PLPPR5: variants seen among roughly 807,000 people sequenced by gnomAD.
The protein encoded by PLPPR5 is phospholipid phosphatase-related protein type 5.
PLPPR5 carries 16 observed loss-of-function variants against 33.9 expected under a neutral mutation model. The observed-to-expected ratio is 0.47, with a 90% CI of 0.32 to 0.72. The LOEUF is 0.72. Ranked by LOEUF, PLPPR5 falls within the 30% of genes least tolerant of loss-of-function variation. The pLI, the probability that PLPPR5 is intolerant of heterozygous loss-of-function variation, is 0.03. For missense variants in PLPPR5, 301 were observed against 406.7 expected, an observed-to-expected ratio of 0.74 and a Z score of 2.23; for synonymous variants, 163 against 150.3, an observed-to-expected ratio of 1.08 and a Z score of -0.62.
At chr1:98,955,425 CT>C (rs984535406) in intron 2 of PLPPR5, among the ~76,000 whole-genome samples, 3 of 151,916 alleles carry the variant, frequency 2.0e-5, no homozygotes, top group African/African-American at 4.8e-5. Flanking sequence ...TTGCATATTG[CT>C]TTTTTTATTA....
intron 3 of PLPPR5, among the ~76,000 whole-genome samples, chr1:98,935,685 T>C (rs1032291750): frequency 6.6e-6 from 1 of 152,156 alleles, no homozygotes; most frequent in African/African-American, 2.4e-5. Flanking sequence ...ACAAGGGCCA[T>C]TAAGAACAGT....
At chr1:99,001,656 A>G (rs1310441923) in intron 1 of PLPPR5, among the ~76,000 whole-genome samples, 1 of 137,442 alleles carries the variant, frequency 7.3e-6, no homozygotes, top group Non-Finnish European at 1.5e-5. Context: ...ACTAGAAATG[A>G]GTTTGAAAGT....
At chr1:98,983,996 T>A (rs1341444825) in intron 1 of PLPPR5, among the ~76,000 whole-genome samples, 1 of 151,872 alleles carries the variant, frequency 6.6e-6, no homozygotes, top group African/African-American at 2.4e-5. Context: ...TTCTCTTAAT[T>A]TCTTTTTCTT....
chr1:98,955,241 T>A (rs1351658306), intron 2 of PLPPR5, among the ~76,000 whole-genome samples: 1 of 152,104 alleles, frequency 6.6e-6, no homozygotes, highest in African/African-American at 2.4e-5. Flanking sequence ...TAAAATCATA[T>A]AAGAAGAAGC....
intron 5 of PLPPR5, among the ~76,000 whole-genome samples, chr1:98,913,479 C>A (rs1649229651): frequency 6.6e-6 from 1 of 152,160 alleles, no homozygotes; most frequent in African/African-American, 2.4e-5. Flanking sequence ...GCTGTTGACA[C>A]GTGTTGACTT....
At chr1:98,999,413 C>A (rs1023933058) in intron 1 of PLPPR5, among the ~76,000 whole-genome samples, 7 of 152,176 alleles carry the variant, frequency 4.6e-5, no homozygotes, top group African/African-American at 1.7e-4. Flanking sequence ...GCAGATCTGG[C>A]CTTCAAACCC....
At chr1:98,915,247 T>C (rs1013816205) in intron 4 of PLPPR5, among the ~76,000 whole-genome samples, 7 of 152,272 alleles carry the variant, frequency 4.6e-5, no homozygotes, top group African/African-American at 1.7e-4. Context: ...ACCATAACCT[T>C]ATAAAAATTC....
At chr1:98,908,511 T>C (rs915501018) in intron 5 of PLPPR5, among the ~76,000 whole-genome samples, 3 of 152,168 alleles carry the variant, frequency 2.0e-5, no homozygotes, top group Admixed American at 6.6e-5. Flanking sequence ...CTTGGAGATA[T>C]CCTGAAGCCA....
intron 5 of PLPPR5, among the ~76,000 whole-genome samples, chr1:98,907,843 G>A (rs569856100): frequency 6.6e-6 from 1 of 152,312 alleles, no homozygotes; most frequent in Admixed American, 6.5e-5. Flanking sequence ...GTTGAAACCA[G>A]GAAGACTACT....
intron 1 of PLPPR5, among the ~76,000 whole-genome samples, chr1:98,977,925 T>G (rs1046429716): frequency 2.0e-5 from 3 of 151,930 alleles, no homozygotes; most frequent in Admixed American, 2.0e-4. Flanking sequence ...CATGGTAGAA[T>G]ATCAAGAATG....
At chr1:98,917,667 C>T (rs1316466994) in intron 4 of PLPPR5, among the ~76,000 whole-genome samples, 1 of 152,174 alleles carries the variant, frequency 6.6e-6, no homozygotes, top group African/African-American at 2.4e-5. Flanking sequence ...GCTTCACTTC[C>T]TCGTGGATGC....
At chr1:98,914,515 G>A (rs1413954282) in intron 5 of PLPPR5, among the ~76,000 whole-genome samples, 3 of 152,044 alleles carry the variant, frequency 2.0e-5, no homozygotes, top group Admixed American at 2.0e-4. Flanking sequence ...TTGAACTCCT[G>A]GTTTCAAGTG....
chr1:98,987,507 G>A (rs1161097589), intron 1 of PLPPR5, among the ~76,000 whole-genome samples: 1 of 151,760 alleles, frequency 6.6e-6, no homozygotes, highest in African/African-American at 2.4e-5. Context: ...ACTCAAATCA[G>A]ATCTTTAACT....
chr1:98,951,495 G>C (rs552324721), intron 3 of PLPPR5, among the ~76,000 whole-genome samples: 3 of 152,244 alleles, frequency 2.0e-5, no homozygotes, highest in African/African-American at 7.2e-5. Flanking sequence ...AAATAAGATA[G>C]GATAAAGGAA....
chr1:99,005,430 G>T (rs1413336540), upstream of PLPPR5, among the ~76,000 whole-genome samples: 1 of 152,148 alleles, frequency 6.6e-6, no homozygotes, highest in Non-Finnish European at 1.5e-5. Context: ...AAAAATCTCA[G>T]CGAGGTTTCT....
chr1:98,922,939 C>T (rs926645156), intron 3 of PLPPR5, among the ~76,000 whole-genome samples: 8 of 151,702 alleles, frequency 5.3e-5, no homozygotes, highest in Admixed American at 1.3e-4. Flanking sequence ...GAGCTGAGAT[C>T]GTGCCACTGC....
rs528805662 is a variant in PLPPR5, at chr1:98,965,368, G to A, written c.238-8627C>T. 2.6e-4 allele frequency among the ~76,000 whole-genome samples: 39 copies of A among 152,174 alleles called. 2 individuals carry two copies. In the South Asian group the frequency reaches 7.1e-3, roughly 28 times the overall value. ...TAATCCCAGTGTTGAACACTATGAA[G>A]CTCCTCGAATCTTGCCCTGCCTAAC... On this transcript the variant is annotated intron_variant, in intron 1 of 5. Transcript: ENST00000263177.
At chr1:98,989,676 C>T (rs917393774) in intron 1 of PLPPR5, among the ~76,000 whole-genome samples, 3 of 152,144 alleles carry the variant, frequency 2.0e-5, no homozygotes, top group African/African-American at 7.2e-5. Context: ...TTTATCTGCC[C>T]TTCCAAGAAA....
intron 1 of PLPPR5, among the ~76,000 whole-genome samples, chr1:98,958,549 A>G (rs1402382115): frequency 6.6e-6 from 1 of 152,170 alleles, no homozygotes; most frequent in Non-Finnish European, 1.5e-5. Flanking sequence ...TTCCTCCTGA[A>G]TTTTAACTCT....
Sources: gnomAD v4.1 joint callset for allele counts (sites outside exome capture counted in the v4.1 genomes callset) on GRCh38, gnomAD v4.1.1 for gene constraint, MANE v1.5 for transcripts, NCBI Gene and HGNC (gene_info 2026-07-23, HGNC 2026-07-21) for gene names.